IREB2: variants seen among roughly 807,000 people sequenced by gnomAD.
IREB2 encodes the protein iron-responsive element-binding protein 2.
In IREB2, 39 loss-of-function variants were observed where a neutral mutation model predicts 118.8. The observed-to-expected ratio is 0.33, with a 90% CI of 0.25 to 0.43. The LOEUF (loss-of-function observed/expected upper bound fraction) is 0.43. Among genes scored for constraint, IREB2 ranks in the 20% least tolerant of loss-of-function variants. The pLI is 1.00. For synonymous variants in IREB2, 372 were observed against 392.2 expected (o/e 0.95, Z 0.61); for missense variants, 900 against 1,147.3 (o/e 0.78, Z 3.11).
At chr15:78,489,763 A>G (rs576767690) in intron 16 of IREB2, among the ~76,000 whole-genome samples, 2 of 152,304 alleles carry the variant, frequency 1.3e-5, no homozygotes, top group East Asian at 1.9e-4. Flanking sequence ...CGCCCACCTC[A>G]GCCTCCCAAA....
At chr15:78,473,160 GA>G in intron 7 of IREB2, 81 bp from the exon 8 acceptor site, 2 of 1,347,432 alleles carry the variant, frequency 1.5e-6, no homozygotes, top group South Asian at 2.6e-5. Flanking sequence ...ATAAGCTCAT[GA>G]AACACCTAGA....
chr15:78,483,455 C>A (rs1264887821), intron 11 of IREB2, 21 bp downstream of exon 11: 3 of 1,338,664 alleles, frequency 2.2e-6, no homozygotes, highest in Non-Finnish European at 2.2e-6. Flanking sequence ...TTATTCTTAT[C>A]CGTGTTTTTC....
At position 78,465,475 on chromosome 15, in the gene IREB2, T is replaced by C. The variant is rs1204710250; in HGVS notation, c.410+87T>C. 4 of 1,242,770 alleles carry C rather than the reference T, an allele frequency of 3.2e-6. No individual in the cohort carries two copies. In the Admixed American group the frequency reaches 9.6e-5, roughly 30 times the overall value. 77.0% of individuals were successfully genotyped at this position (1,242,770 alleles called of 1,614,324 possible). ...TAGAGGAAAAGGAATAGAGATAATT[T>C]ATGGCAGAGAAAAGTATGCTAAATT... On this transcript the variant is annotated intron_variant, in intron 4 of 21. Transcript: ENST00000258886.
intron 2 of IREB2, among the ~76,000 whole-genome samples, chr15:78,446,182 T>C (rs535604538): frequency 1.3e-5 from 2 of 152,318 alleles, no homozygotes; most frequent in African/African-American, 2.4e-5. Flanking sequence ...ATCTTGTCTT[T>C]TATGTGGACT....
Position 78,476,192 on chromosome 15 carries a change from T to G in IREB2, c.1028T>G (p.Leu343Arg). The G allele has an allele frequency of 6.3e-7, 1 of 1,584,874 alleles. No homozygotes were observed. The highest frequency in any genetic ancestry group is 8.6e-7 in the Non-Finnish European group (1 of 1,157,766). The change falls in exon 9 of 22, where the codon CTC (leucine) becomes CGC (arginine). Residue 343 changes from leucine (L) to arginine (R), a missense_variant. Physicochemically the swap from Leu to Arg is moderately radical, Grantham distance 102. Coordinates refer to ENST00000258886, the MANE Select transcript of IREB2 (RefSeq NM_004136.4). ...TTCTGTGTATTCCTTATATAGCACC[T>G]CAGGCAAGTAGGAGTGGCTGGAAAG... ...IDVVLGITKHLRQVGVAGKFV... is the reference protein window; with the variant it reads ...IDVVLGITKHRRQVGVAGKFV...
intron 21 of IREB2, 39 bp downstream of exon 21, chr15:78,497,350 A>T: frequency 4.5e-6 from 6 of 1,334,368 alleles, no homozygotes; most frequent in Non-Finnish European, 6.4e-6. Flanking sequence ...TATGCACTCA[A>T]ATGTTTATGA....
In IREB2 at chr15:78,488,651, T is replaced by C; in HGVS notation, c.1956T>C (p.Thr652=). ...ATGTTCAAAAATTTTAACCAGGTAC[T>C]GACCCCACCGGCAAGAACATTTACC... ...NIDFQTEPLG[T]DPTGKNIYLH... is the part of the protein sequence containing the mutation. Residue 652 remains threonine (T), a synonymous_variant, in exon 16 of 22, where the codon ACT becomes ACC. Transcript: ENST00000258886. 2 of 1,606,890 alleles carry C rather than the reference T, an allele frequency of 1.2e-6. No individual in the cohort carries two copies. The highest frequency in any genetic ancestry group is 2.2e-5 in the East Asian group (1 of 44,726).
intron 7 of IREB2, among the ~76,000 whole-genome samples, chr15:78,472,126 A>G (rs866521391): frequency 6.6e-6 from 1 of 152,250 alleles, no homozygotes; most frequent in Non-Finnish European, 1.5e-5. Context: ...AAATTTACAC[A>G]GTGTCTAGCA....
chr15:78,437,808 G>C (rs1167821438), upstream of IREB2: 2 of 153,942 alleles, frequency 1.3e-5, no homozygotes, highest in East Asian at 3.9e-4. Flanking sequence ...CACGCGTGTG[G>C]GCCGCCCACG....
chr15:78,453,631 G>T lies in IREB2; in HGVS notation c.107-9291G>T, dbSNP rs2051061201. Among the ~76,000 whole-genome samples, 3 of 152,320 alleles carry T rather than the reference G, an allele frequency of 2.0e-5. No homozygotes were observed. In the South Asian group the frequency reaches 6.2e-4, roughly 32 times the overall value. ...ATCATTTAGTAGGAGGAAGTCCGCA[G>T]CTCCCTTAACTGGTGAAAGGGTGAA... On this transcript the variant is annotated intron_variant, in intron 2 of 21. Transcript: ENST00000258886.
chr15:78,497,986 C>A, intron 21 of IREB2, 47 bp from the exon 22 acceptor site: 1 of 1,033,558 alleles, frequency 9.7e-7, no homozygotes, highest in African/African-American at 1.6e-5. Flanking sequence ...TCAAGTAGCA[C>A]CTGGAAGATT....
intron 12 of IREB2, 63 bp downstream of exon 12, chr15:78,484,983 T>C (rs2051636411): frequency 1.2e-5 from 18 of 1,474,846 alleles, no homozygotes; most frequent in South Asian, 7.4e-5. Flanking sequence ...TTTTCTGTTA[T>C]TGTAACTTTG....
chr15:78,460,515 T>C (rs1360922432), intron 2 of IREB2, among the ~76,000 whole-genome samples: 2 of 152,198 alleles, frequency 1.3e-5, no homozygotes, highest in Non-Finnish European at 2.9e-5. Context: ...CCCGTTAGTG[T>C]CCCCATTAGT....
In IREB2 at chr15:78,488,658, A is replaced by G. The variant is rs778918051; in HGVS notation, c.1963A>G (p.Thr655Ala). ...FQTEPLGTDP[T>A]GKNIYLHDIW... ...AAAATTTTAACCAGGTACTGACCCC[A>G]CCGGCAAGAACATTTACCTGCATGA... is the stretch of plus-strand genomic sequence containing the variant. The change falls in exon 16 of 22, where the codon ACC becomes GCC. Residue 655 changes from threonine to alanine, a missense_variant. By Grantham distance (58) the Thr-to-Ala change is moderately conservative. Transcript: ENST00000258886. The G allele has an allele frequency of 1.2e-6, 2 of 1,608,434 alleles. No individual in the cohort carries two copies. The highest frequency in any genetic ancestry group is 2.2e-5 in the East Asian group (1 of 44,714).
At chr15:78,497,474 G>T (rs2051857637) in intron 21 of IREB2, 163 bp downstream of exon 21, 1 of 604,576 alleles carries the variant, frequency 1.7e-6, no homozygotes, top group African/African-American at 1.9e-5. Flanking sequence ...TATGTTAATA[G>T]TTCATGTTCT....
rs2051508867 is a variant in IREB2, at chr15:78,478,340, A to G, written c.1239A>G (p.Lys413=). ...AKLESMETYL[K]AVKLFRNDQN... is the part of the protein sequence containing the mutation. ...TCGAATCAATGGAAACATACCTTAAAGCTGTGAAATTGTTTCGAAATGACC... is the reference window on the plus strand; with the variant it reads ...TCGAATCAATGGAAACATACCTTAAGGCTGTGAAATTGTTTCGAAATGACC... Residue 413 remains lysine, a synonymous_variant, in exon 10 of 22, where the codon AAA becomes AAG. Coordinates refer to ENST00000258886, the MANE Select transcript of IREB2 (RefSeq NM_004136.4). The G allele has an allele frequency of 1.2e-6, 2 of 1,613,726 alleles. No homozygotes were observed. The highest frequency in any genetic ancestry group is 2.7e-5 in the African/African-American group (2 of 74,930).
intron 8 of IREB2, 42 bp from the exon 9 acceptor site, chr15:78,476,146 T>C (rs780545749): frequency 2.1e-6 from 3 of 1,442,526 alleles, no homozygotes; most frequent in South Asian, 1.5e-5. Context: ...GCTAATCTTA[T>C]CTTTGCAATT....
chr15:78,493,886 T>A (rs2051794202), intron 18 of IREB2, 23 bp from the exon 19 acceptor site: 1 of 1,597,082 alleles, frequency 6.3e-7, no homozygotes, highest in African/African-American at 1.3e-5. Context: ...TAATGAAAAC[T>A]GACTTTCATT....
At chr15:78,444,015 T>C (rs940888693) in intron 2 of IREB2, among the ~76,000 whole-genome samples, 24 of 152,004 alleles carry the variant, frequency 1.6e-4, no homozygotes, top group Non-Finnish European at 2.8e-4. Context: ...ACTAGAAACA[T>C]GTCAAAATCT....
Sources: gnomAD v4.1 joint callset for allele counts (sites outside exome capture counted in the v4.1 genomes callset) on GRCh38, gnomAD v4.1.1 for gene constraint, MANE v1.5 for transcripts, NCBI Gene and HGNC (gene_info 2026-07-23, HGNC 2026-07-21) for gene names.